Variants in COL25A1 observed in about 807,000 individuals in gnomAD.
COL25A1 encodes the protein collagen type XXV alpha 1 chain, also known as collagen alpha-1(XXV) chain.
COL25A1 carries 103 observed loss-of-function variants against 128.4 expected under a neutral mutation model. That is an observed-to-expected ratio of 0.80 (90% CI 0.68 to 0.94). The LOEUF is 0.94. Ranked by LOEUF, COL25A1 falls within the 40% of genes least tolerant of loss-of-function variation. COL25A1 has a pLI of 0.00. For synonymous variants in COL25A1, 279 were observed against 277.2 expected (o/e 1.01, Z -0.06); for missense variants, 745 against 840.0 (o/e 0.89, Z 1.40).
chr4:108,924,196 A>G (rs916467638), intron 11 of COL25A1, among the ~76,000 whole-genome samples: 1 of 152,204 alleles, frequency 6.6e-6, no homozygotes, highest in Non-Finnish European at 1.5e-5. Context: ...AAACTCAAAG[A>G]GTCACTGAAA....
At chr4:109,098,029 G>C (rs1765551865) in intron 3 of COL25A1, among the ~76,000 whole-genome samples, 1 of 152,106 alleles carries the variant, frequency 6.6e-6, no homozygotes, top group African/African-American at 2.4e-5. Flanking sequence ...ATTCTCTAGG[G>C]ATAGATGGTG....
At chr4:109,105,973 C>G (rs1157150097) in intron 3 of COL25A1, among the ~76,000 whole-genome samples, 1 of 152,108 alleles carries the variant, frequency 6.6e-6, no homozygotes, top group Non-Finnish European at 1.5e-5. Context: ...CAATTTCACT[C>G]AAGAATATCT....
chr4:108,907,779 T>G (rs747540489), intron 13 of COL25A1, among the ~76,000 whole-genome samples: 3 of 150,224 alleles, frequency 2.0e-5, no homozygotes, highest in Admixed American at 1.3e-4. Context: ...TTCTGTTTAA[T>G]TTTCACATAA....
At chr4:108,974,194 A>G (rs1446287571) in intron 8 of COL25A1, among the ~76,000 whole-genome samples, 173 bp downstream of exon 8, 1 of 152,236 alleles carries the variant, frequency 6.6e-6, no homozygotes, top group Non-Finnish European at 1.5e-5. Flanking sequence ...AATGCAACAG[A>G]ATACATCCAA....
chr4:109,151,332 G>T (rs1771481567), intron 3 of COL25A1, among the ~76,000 whole-genome samples: 1 of 151,968 alleles, frequency 6.6e-6, no homozygotes, highest in Non-Finnish European at 1.5e-5. Context: ...TGACCATTTG[G>T]TATCTCTTCT....
chr4:108,835,633 C>A (rs1733686958), intron 31 of COL25A1, among the ~76,000 whole-genome samples: 1 of 152,016 alleles, frequency 6.6e-6, no homozygotes, highest in African/African-American at 2.4e-5. Context: ...TGGCTCACTG[C>A]AACCTCCACC....
intron 11 of COL25A1, 88 bp downstream of exon 11, chr4:108,937,720 T>C: frequency 8.9e-7 from 1 of 1,129,810 alleles, no homozygotes; most frequent in Non-Finnish European, 1.3e-6. Context: ...TAGTCTGTCA[T>C]ATGACAGATA....
chr4:109,296,227 T>G (rs1255690778), intron 3 of COL25A1, among the ~76,000 whole-genome samples: 1 of 152,100 alleles, frequency 6.6e-6, no homozygotes, highest in Non-Finnish European at 1.5e-5. Flanking sequence ...TTTTTATCCA[T>G]TGCTAGAGTT....
intron 3 of COL25A1, among the ~76,000 whole-genome samples, chr4:109,278,793 T>C (rs1723086432): frequency 1.3e-5 from 2 of 152,230 alleles, no homozygotes; most frequent in African/African-American, 4.8e-5. Flanking sequence ...CTTAGTCCTT[T>C]AGGCTGTTCT....
At chr4:109,202,844 T>C (rs1032317844) in intron 3 of COL25A1, among the ~76,000 whole-genome samples, 3 of 152,138 alleles carry the variant, frequency 2.0e-5, no homozygotes, top group African/African-American at 7.2e-5. Context: ...TGTAGATACA[T>C]AGACATCTAT....
chr4:109,231,184 T>A (rs62324324), intron 3 of COL25A1, among the ~76,000 whole-genome samples: 1 of 151,924 alleles, frequency 6.6e-6, no homozygotes, highest in Non-Finnish European at 1.5e-5. Flanking sequence ...TTTAAAAATT[T>A]TCTTACATTA....
intron 3 of COL25A1, among the ~76,000 whole-genome samples, chr4:109,062,661 T>C (rs1762084367): frequency 6.6e-6 from 1 of 152,180 alleles, no homozygotes; most frequent in Admixed American, 6.5e-5. Context: ...AATGAGGAAA[T>C]TAGGATCTTA....
At chr4:109,061,768 C>A (rs1761995258) in intron 3 of COL25A1, among the ~76,000 whole-genome samples, 1 of 152,162 alleles carries the variant, frequency 6.6e-6, no homozygotes, top group African/African-American at 2.4e-5. Flanking sequence ...ACAGTTAAAT[C>A]TCAGATTCAT....
chr4:108,943,434 C>G (rs746436022), intron 8 of COL25A1, among the ~76,000 whole-genome samples: 1 of 152,136 alleles, frequency 6.6e-6, no homozygotes, highest in Non-Finnish European at 1.5e-5. Flanking sequence ...ACCCACATAT[C>G]AAAATTTCTC....
At chr4:108,913,077 C>A (rs1578746526) in intron 13 of COL25A1, among the ~76,000 whole-genome samples, 2 of 151,744 alleles carry the variant, frequency 1.3e-5, no homozygotes, top group East Asian at 3.9e-4. Flanking sequence ...TGATATTTAT[C>A]TTTTTTTTTG....
chr4:109,070,116 G>A lies in COL25A1; in HGVS notation c.368-19937C>T, dbSNP rs115832155. On this transcript the variant is annotated intron_variant, in intron 3 of 37. Transcript: ENST00000399132. ...CTAAAAATATAAAAAAAAACTAGCC[G>A]GGCATGGGGTGTATGCCTCTAGTCC... 4.1e-3 allele frequency among the ~76,000 whole-genome samples: 624 copies of A among 151,866 alleles called. 2 individuals are homozygous for A. The highest frequency in any genetic ancestry group is 0.014 in the African/African-American group (593 of 41,462).
intron 3 of COL25A1, among the ~76,000 whole-genome samples, chr4:109,248,327 G>A (rs1042263050): frequency 1.5e-4 from 23 of 151,992 alleles, no homozygotes; most frequent in Non-Finnish European, 2.6e-4. Context: ...CTATGGTAAA[G>A]ATTTATTTTA....
intron 32 of COL25A1, among the ~76,000 whole-genome samples, chr4:108,829,979 C>G (rs1008081266): frequency 6.6e-6 from 1 of 152,138 alleles, no homozygotes; most frequent in African/African-American, 2.4e-5. Flanking sequence ...GAAGACAATG[C>G]CAACATGTGG....
At chr4:108,876,882 A>G (rs1675906490) in intron 19 of COL25A1, among the ~76,000 whole-genome samples, 1 of 152,206 alleles carries the variant, frequency 6.6e-6, no homozygotes, top group Non-Finnish European at 1.5e-5. Flanking sequence ...GTTATTCTTA[A>G]CATTAATTAA....
Sources: gnomAD v4.1 joint callset for allele counts (sites outside exome capture counted in the v4.1 genomes callset) on GRCh38, gnomAD v4.1.1 for gene constraint, MANE v1.5 for transcripts, NCBI Gene and HGNC (gene_info 2026-07-23, HGNC 2026-07-21) for gene names.